STK24: variants seen among roughly 807,000 people sequenced by gnomAD.
STK24 encodes serine/threonine-protein kinase 24.
A neutral mutation model predicts 55.6 loss-of-function variants in STK24; 21 were observed. The observed-to-expected ratio is 0.38, with a 90% confidence interval of 0.27 to 0.54. The LOEUF (loss-of-function observed/expected upper bound fraction) is 0.54. STK24 is among the 20% of genes least tolerant of loss of function. The probability of loss-of-function intolerance (pLI) is 0.79; values close to 1 mark genes in which losing one functional copy is unlikely to be tolerated. For synonymous variants in STK24, 200 were observed against 215.2 expected (o/e 0.93, Z 0.62); for missense variants, 383 against 538.4 (o/e 0.71, Z 2.86).
intron 2 of STK24, among the ~76,000 whole-genome samples, chr13:98,486,586 G>C (rs569651498): frequency 6.6e-6 from 1 of 152,236 alleles, no homozygotes; most frequent in South Asian, 2.1e-4. Context: ...TGCACTGCAG[G>C]GTGTTCAGCA....
Position 98,450,372 on chromosome 13 carries a change from G to A in STK24, c.*2801C>T, listed in dbSNP as rs1256393856. On this transcript the variant is annotated 3_prime_UTR_variant, in exon 11 of 11. Coordinates refer to ENST00000539966, the MANE Select transcript of STK24 (RefSeq NM_001032296.4). ...TATAAACTGACAGTGTTTTGCCAGA[G>A]GAAAGGTACAAAATGCTACATACAG... The A allele has an allele frequency of 1.3e-5, 2 of 152,192 alleles. No homozygotes were observed. The highest frequency in any genetic ancestry group is 4.8e-5 in the African/African-American group (2 of 41,438). 9.4% of individuals were successfully genotyped at this position (152,192 alleles called of 1,614,324 possible).
chr13:98,449,414 A>C lies in STK24; in HGVS notation c.*3759T>G, dbSNP rs1278000343. 6.6e-6 allele frequency: 1 copy of C among 151,588 alleles called. No individual in the cohort carries two copies. The highest frequency in any genetic ancestry group is 1.5e-5 in the Non-Finnish European group (1 of 67,854). 9.4% of individuals were successfully genotyped at this position (151,588 alleles called of 1,614,324 possible). ...ACGGTTTCCAGTGGCTTTGGCCCCT[A>C]CTCGGGAAACGTCTGCCTGTTCTCG... On this transcript the variant is annotated 3_prime_UTR_variant, in exon 11 of 11. Transcript: ENST00000539966.
intron 1 of STK24, among the ~76,000 whole-genome samples, chr13:98,537,189 C>A (rs1896759932): frequency 6.6e-6 from 1 of 152,226 alleles, no homozygotes; most frequent in South Asian, 2.1e-4. Flanking sequence ...CTGTGCAGTG[C>A]CACCTCTCTA....
intron 10 of STK24, chr13:98,454,127 ATCT>A (rs1400111558): frequency 1.3e-5 from 2 of 152,244 alleles, no homozygotes; most frequent in African/African-American, 4.8e-5. Context: ...ATTCTAAAAA[ATCT>A]TCTTTGCACT....
At chr13:98,471,959 T>C (rs1424106623) in intron 5 of STK24, among the ~76,000 whole-genome samples, 1 of 152,108 alleles carries the variant, frequency 6.6e-6, no homozygotes, top group Non-Finnish European at 1.5e-5. Flanking sequence ...CTACAAGTCA[T>C]GCAAGAGAGA....
chr13:98,446,644 TTGC>T lies in STK24; in HGVS notation c.*6526_*6528del. ...CAGAAGCTGACCCCGAAAAGCCACTTTGCTTTGTTTCCCCTTTCCAGGACAATC... is the reference window on the plus strand; with the variant it reads ...CAGAAGCTGACCCCGAAAAGCCACTTTTTGTTTCCCCTTTCCAGGACAATC... On this transcript the variant is annotated 3_prime_UTR_variant, in exon 11 of 11. Coordinates refer to ENST00000539966, the MANE Select transcript of STK24 (RefSeq NM_001032296.4). The T allele has an allele frequency of 6.2e-7, 1 of 1,612,806 alleles. No individual in the cohort carries two copies. Among genetic ancestry groups the T allele is most frequent in the Non-Finnish European group, 8.5e-7 (1 of 1,178,948 alleles).
chr13:98,554,553 C>T (rs1305865046), intron 1 of STK24, among the ~76,000 whole-genome samples: 2 of 152,164 alleles, frequency 1.3e-5, no homozygotes, highest in Admixed American at 6.5e-5. Flanking sequence ...GGCCAGCTGC[C>T]AGTGGCTCAT....
chr13:98,461,203 C>CA (rs1452701708), intron 8 of STK24, among the ~76,000 whole-genome samples: 6 of 152,218 alleles, frequency 3.9e-5, no homozygotes, highest in Non-Finnish European at 8.8e-5. Flanking sequence ...AACACCTGTT[C>CA]ACTTATCAAA....
intron 1 of STK24, among the ~76,000 whole-genome samples, chr13:98,553,074 G>A (rs1282341688): frequency 2.6e-5 from 4 of 152,104 alleles, no homozygotes; most frequent in Non-Finnish European, 5.9e-5. Context: ...CAAGGGGATG[G>A]GAAATCTCTG....
intron 3 of STK24, among the ~76,000 whole-genome samples, chr13:98,476,245 C>CCA (rs201084990): frequency 2.1e-5 from 3 of 145,790 alleles, no homozygotes; most frequent in Non-Finnish European, 4.6e-5. Context: ...GGGAAGCCCC[C>CCA]CCCCGCCCCC....
At chr13:98,485,600 CAAG>C (rs1031807753) in intron 2 of STK24, among the ~76,000 whole-genome samples, 2 of 152,214 alleles carry the variant, frequency 1.3e-5, no homozygotes, top group African/African-American at 4.8e-5. Flanking sequence ...AGTCCCCAGG[CAAG>C]AAGGAGGTCT....
chr13:98,446,654 TC>T lies in STK24; in HGVS notation c.*6518del. ...CCCCGAAAAGCCACTTTGCTTTGTT[TC>T]CCCTTTCCAGGACAATCATCCCCTT... On this transcript the variant is annotated 3_prime_UTR_variant, in exon 11 of 11. Transcript: ENST00000539966. 1 of 1,613,590 alleles carries T rather than the reference TC, an allele frequency of 6.2e-7. No individual in the cohort carries two copies. The highest frequency in any genetic ancestry group is 8.5e-7 in the Non-Finnish European group (1 of 1,179,634).
chr13:98,489,841 A>T (rs1375994723), intron 2 of STK24, among the ~76,000 whole-genome samples: 2 of 152,244 alleles, frequency 1.3e-5, no homozygotes, highest in African/African-American at 4.8e-5. Flanking sequence ...AAGTCAGCGA[A>T]ACTTGTGCTA....
chr13:98,457,091 T>C, intron 10 of STK24, 77 bp downstream of exon 10: 1 of 1,544,088 alleles, frequency 6.5e-7, no homozygotes. Flanking sequence ...AAGAATCAAG[T>C]ACCAAACTCA....
chr13:98,487,401 G>A (rs1273193105), intron 2 of STK24, among the ~76,000 whole-genome samples: 1 of 152,170 alleles, frequency 6.6e-6, no homozygotes, highest in African/African-American at 2.4e-5. Context: ...GGAAATAAAA[G>A]TATTCATTTA....
At chr13:98,528,330 G>A (rs551860560) in intron 1 of STK24, among the ~76,000 whole-genome samples, 2 of 152,294 alleles carry the variant, frequency 1.3e-5, no homozygotes, top group Non-Finnish European at 1.5e-5. Flanking sequence ...CAATGAGAAC[G>A]CCAGAAGGTG....
chr13:98,565,096 T>C (rs1317071595), intron 1 of STK24, among the ~76,000 whole-genome samples: 1 of 152,190 alleles, frequency 6.6e-6, no homozygotes, highest in African/African-American at 2.4e-5. Context: ...GCTTTTCAAA[T>C]GGGCAAGGCT....
chr13:98,500,532 C>T (rs1373051249), intron 2 of STK24, among the ~76,000 whole-genome samples: 1 of 152,126 alleles, frequency 6.6e-6, no homozygotes, highest in Non-Finnish European at 1.5e-5. Context: ...CCTGATGCGT[C>T]CAAACTCATG....
chr13:98,570,040 C>G (rs1897698749), intron 1 of STK24, among the ~76,000 whole-genome samples: 1 of 150,844 alleles, frequency 6.6e-6, no homozygotes, highest in Non-Finnish European at 1.5e-5. Flanking sequence ...CCACGCCCAG[C>G]TGTTTTTTTT....
Sources: allele counts gnomAD v4.1 joint callset (sites outside exome capture counted in the v4.1 genomes callset), GRCh38; gene constraint gnomAD v4.1.1; transcripts MANE v1.5; gene names NCBI Gene and HGNC (gene_info 2026-07-23, HGNC 2026-07-21).